HYAL4: variants seen among roughly 807,000 people sequenced by gnomAD.
HYAL4 encodes the protein hyaluronidase-4.
In HYAL4, 37 loss-of-function variants were observed where a neutral mutation model predicts 35.2. That is an observed-to-expected ratio of 1.05 (90% CI 0.81 to 1.38). The LOEUF (loss-of-function observed/expected upper bound fraction) is 1.38, where lower values mean the gene tolerates loss of function less well. Ranked by LOEUF, HYAL4 falls within the 40% of genes most tolerant of loss-of-function variation. The probability of loss-of-function intolerance (pLI) is 0.00; values close to 1 mark genes in which losing one functional copy is unlikely to be tolerated. For synonymous variants in HYAL4, 198 were observed against 203.2 expected, an observed-to-expected ratio of 0.97 and a Z score of 0.22; for missense variants, 572 against 572.4, an observed-to-expected ratio of 1.00 and a Z score of 0.01.
the HYAL4 span, among the ~76,000 whole-genome samples, chr7:123,780,088 T>G: frequency 6.6e-6 from 1 of 152,204 alleles, no homozygotes; most frequent in East Asian, 1.9e-4. Flanking sequence ...TCTCCTACTT[T>G]ATAACACCTG....
chr7:123,833,893 G>A (rs938596623), intron 1 of HYAL4, among the ~76,000 whole-genome samples: 1 of 152,148 alleles, frequency 6.6e-6, no homozygotes, highest in African/African-American at 2.4e-5. Flanking sequence ...TCAGCTGACT[G>A]TAAGTATTTG....
At chr7:123,810,961 GCTTA>G in the HYAL4 span, among the ~76,000 whole-genome samples, 4 of 152,134 alleles carry the variant, frequency 2.6e-5, no homozygotes, top group African/African-American at 9.7e-5. Context: ...TTAGTAAGAT[GCTTA>G]CTTAATTCTC....
At chr7:123,764,691 A>G in the HYAL4 span, among the ~76,000 whole-genome samples, 2 of 152,150 alleles carry the variant, frequency 1.3e-5, no homozygotes, top group African/African-American at 4.8e-5. Context: ...ATAATCTTGG[A>G]TCTCCCAATG....
the HYAL4 span, among the ~76,000 whole-genome samples, chr7:123,809,973 A>G: frequency 6.6e-6 from 1 of 152,230 alleles, no homozygotes; most frequent in African/African-American, 2.4e-5. Context: ...AGTCTCAACA[A>G]CCAGATTTTA....
At chr7:123,767,016 G>T in the HYAL4 span, among the ~76,000 whole-genome samples, 2 of 151,994 alleles carry the variant, frequency 1.3e-5, no homozygotes. Context: ...TGTCTTATAA[G>T]AACATTTGGT....
the HYAL4 span, among the ~76,000 whole-genome samples, chr7:123,769,086 G>C: frequency 6.6e-6 from 1 of 152,114 alleles, no homozygotes; most frequent in Non-Finnish European, 1.5e-5. Context: ...ATCATCACAG[G>C]GAGAGAAACA....
Position 123,869,057 on chromosome 7 carries a change from A to T in HYAL4, c.784A>T (p.Ile262Phe), listed in dbSNP as rs376749307. Reference protein sequence around the residue: ...WNSSAALYPSIGVWKSLGDSE... With the variant: ...WNSSAALYPSFGVWKSLGDSE... ...CAGCAGTGCTGCTTTATATCCTTCT[A>T]TCGGTGTCTGGAAATCCCTTGGAGA... Residue 262 changes from isoleucine (I) to phenylalanine (F), a missense_variant, in exon 3 of 5, where the codon ATC becomes TTC. Ile to Phe is a conservative substitution (Grantham distance 21). Coordinates refer to ENST00000223026, the MANE Select transcript of HYAL4 (RefSeq NM_012269.3). The T allele has an allele frequency of 2.5e-6, 4 of 1,614,152 alleles. No homozygotes were observed. In the South Asian group the frequency reaches 4.4e-5, roughly 18 times the overall value.
chr7:123,823,033 G>A, the HYAL4 span, among the ~76,000 whole-genome samples: 1 of 151,868 alleles, frequency 6.6e-6, no homozygotes, highest in Admixed American at 6.6e-5. Flanking sequence ...TATTTCTGAT[G>A]TTAGAGAAAA....
At chr7:123,809,159 C>G in the HYAL4 span, among the ~76,000 whole-genome samples, 1 of 152,040 alleles carries the variant, frequency 6.6e-6, no homozygotes, top group Non-Finnish European at 1.5e-5. Context: ...TTTGTGTGTT[C>G]TTCTTTACAC....
At chr7:123,838,661 G>T (rs1377584037) in intron 1 of HYAL4, among the ~76,000 whole-genome samples, 1 of 151,998 alleles carries the variant, frequency 6.6e-6, no homozygotes, top group Admixed American at 6.5e-5. Context: ...CCTTGAGCTT[G>T]TTATATTTGG....
At chr7:123,799,693 T>C in the HYAL4 span, among the ~76,000 whole-genome samples, 1 of 152,030 alleles carries the variant, frequency 6.6e-6, no homozygotes, top group Admixed American at 6.6e-5. Context: ...TGTTAATAAT[T>C]TTTCATTTAC....
At chr7:123,864,964 C>G (rs1806652574) in intron 2 of HYAL4, among the ~76,000 whole-genome samples, 1 of 151,906 alleles carries the variant, frequency 6.6e-6, no homozygotes, top group Non-Finnish European at 1.5e-5. Flanking sequence ...TTATCAGGAG[C>G]TATGTCTACC....
the HYAL4 span, among the ~76,000 whole-genome samples, chr7:123,779,797 C>A: frequency 6.6e-6 from 1 of 151,872 alleles, no homozygotes; most frequent in Non-Finnish European, 1.5e-5. Flanking sequence ...TACATAGTAC[C>A]TTTCTTCTGT....
chr7:123,866,789 CTTTT>C (rs1009764748), intron 2 of HYAL4, among the ~76,000 whole-genome samples: 1 of 134,180 alleles, frequency 7.5e-6, no homozygotes, highest in Non-Finnish European at 1.6e-5. Context: ...CTTTCTCTCT[CTTTT>C]TTTTTTTTTT....
chr7:123,787,099 C>G, the HYAL4 span, among the ~76,000 whole-genome samples: 1 of 118,924 alleles, frequency 8.4e-6, no homozygotes, highest in African/African-American at 3.6e-5. Flanking sequence ...AAGAGCAAAA[C>G]TCTGTCTCAA....
rs752516075 is a variant in HYAL4 at position 123,876,861 on chromosome 7, TG to T, written c.1154del (p.Gly385AlafsTer4). On this transcript the variant is annotated frameshift_variant, in exon 5 of 5. Coordinates refer to ENST00000223026, the MANE Select transcript of HYAL4 (RefSeq NM_012269.3). LOFTEE classifies it low-confidence loss of function (END_TRUNC). ...VCSLHLCRNN[G>X]RCIRKMWNAP... ...GCAGCCTTCACCTCTGCAGGAACAA[TG>T]GCAGGTGCATAAGGAAGATGTGGAA... 1.9e-6 allele frequency: 3 copies of T among 1,614,054 alleles called. No homozygotes were observed. In the African/African-American group the frequency reaches 4.0e-5, roughly 22 times the overall value.
chr7:123,854,985 T>G (rs1806399682), intron 2 of HYAL4, among the ~76,000 whole-genome samples: 1 of 152,202 alleles, frequency 6.6e-6, no homozygotes, highest in Non-Finnish European at 1.5e-5. Flanking sequence ...ATGGCCTTCC[T>G]TGTCTCTTTT....
the HYAL4 span, among the ~76,000 whole-genome samples, chr7:123,810,232 G>A: frequency 6.6e-6 from 1 of 152,066 alleles, no homozygotes; most frequent in African/African-American, 2.4e-5. Context: ...TACTTGACAG[G>A]TGTCAATCTG....
At chr7:123,859,083 T>G (rs1404157776) in intron 2 of HYAL4, among the ~76,000 whole-genome samples, 1 of 152,102 alleles carries the variant, frequency 6.6e-6, no homozygotes, top group African/African-American at 2.4e-5. Flanking sequence ...GGTGATGAAA[T>G]AAAATGGAAT....
Sources: allele counts gnomAD v4.1 joint callset (sites outside exome capture counted in the v4.1 genomes callset), GRCh38; gene constraint gnomAD v4.1.1; transcripts MANE v1.5; gene names NCBI Gene and HGNC (gene_info 2026-07-23, HGNC 2026-07-21).